Variants in GEMIN8 observed in about 807,000 individuals in gnomAD.
GEMIN8 encodes gem nuclear organelle associated protein 8.
For synonymous variants in GEMIN8, 80 were observed against 78.5 expected (o/e 1.02, Z -0.10); for missense variants, 185 against 205.9 (o/e 0.90, Z 0.62).
At chrX:13,990,731 C>T in the GEMIN8 span, among the ~76,000 whole-genome samples, 1 of 112,437 alleles carries the variant, frequency 8.9e-6, no homozygotes, top group African/African-American at 3.2e-5. Flanking sequence ...TACTCTTCTG[C>T]ACTTTGCTTT....
chrX:14,002,097 C>CAAAAAAAA (rs59550732), downstream of GEMIN8, among the ~76,000 whole-genome samples: 2 of 23,628 alleles, frequency 8.5e-5, no homozygotes, highest in Non-Finnish European at 7.3e-5. Context: ...TGCACTCCAG[C>CAAAAAAAA]AAAAAAAAAA....
In GEMIN8 at chrX:14,007,620, T is replaced by C. The variant is rs954138284; in HGVS notation, c.*1293A>G. Among the ~76,000 whole-genome samples the C allele has an allele frequency of 1.8e-5, 2 of 109,891 alleles. No homozygotes were observed. Among genetic ancestry groups the C allele is most frequent in the Non-Finnish European group, 3.8e-5 (2 of 52,670 alleles). ...TCGGCTCACTGCAAGCTCCGCCTCC[T>C]GGGTTCACGCCATTCTCCTGCCTCA... is the stretch of plus-strand genomic sequence containing the variant. On this transcript the variant is annotated 3_prime_UTR_variant, in exon 5 of 5. Transcript: ENST00000680255.
chrX:14,006,267 G>A (rs1332640259), downstream of GEMIN8, among the ~76,000 whole-genome samples: 2 of 110,529 alleles, frequency 1.8e-5, no homozygotes, highest in African/African-American at 6.6e-5. Context: ...GACTTCAGGC[G>A]ATCCGCCCAC....
intron 4 of GEMIN8, among the ~76,000 whole-genome samples, chrX:14,018,743 TTTTCTTTTC>T (rs1430742482): frequency 1.4e-4 from 15 of 110,379 alleles, no homozygotes; most frequent in East Asian, 8.4e-4. Flanking sequence ...TTTCTTTTCT[TTTTCTTTTC>T]TTTCTTTTCT....
chrX:14,026,260 G>T (rs1420296046), intron 1 of GEMIN8, 39 bp from the exon 2 acceptor site: 7 of 751,574 alleles, frequency 9.3e-6, no homozygotes, highest in Non-Finnish European at 9.4e-6. Flanking sequence ...GGAAGGCCGG[G>T]ATCCGCAGCT....
At chrX:14,005,057 C>A (rs902917118), downstream of GEMIN8, among the ~76,000 whole-genome samples, 1 of 111,405 alleles carries the variant, frequency 9.0e-6, no homozygotes, top group Non-Finnish European at 1.9e-5. Flanking sequence ...CTGACATAGA[C>A]CCCCTGAAAC....
chrX:14,022,948 G>A (rs1756429930), intron 2 of GEMIN8, among the ~76,000 whole-genome samples: 1 of 112,381 alleles, frequency 8.9e-6, no homozygotes, highest in South Asian at 3.6e-4. Context: ...TTAGCTGAAA[G>A]AGAATCATTC....
chrX:14,015,872 T>G (rs1212917313), intron 4 of GEMIN8, among the ~76,000 whole-genome samples: 1 of 111,937 alleles, frequency 8.9e-6, no homozygotes, highest in Non-Finnish European at 1.9e-5. Flanking sequence ...TATTAAAGCT[T>G]TTTCCAACAG....
chrX:14,026,145 T>G lies in GEMIN8; in HGVS notation c.-39A>C. ...TTCGATCTTTCATTCCTCACCTCCC[T>G]GGGAATGTCTCCCACTCTTTTATGG... is the stretch of plus-strand genomic sequence containing the variant. On this transcript the variant is annotated 5_prime_UTR_variant, in exon 2 of 5. Transcript: ENST00000680255. 1.3e-6 allele frequency: 1 copy of G among 748,907 alleles called. No individual in the cohort carries two copies. The highest frequency in any genetic ancestry group is 1.6e-6 in the Non-Finnish European group (1 of 633,855). 61.7% of individuals were successfully genotyped at this position (748,907 alleles called of 1,213,427 possible).
At position 14,007,087 on chromosome X, in the gene GEMIN8, G is replaced by A. The variant is rs1335618261; in HGVS notation, c.*1826C>T. Among the ~76,000 whole-genome samples, 1 of 112,351 alleles carries A rather than the reference G, an allele frequency of 8.9e-6. No individual in the cohort carries two copies. Among genetic ancestry groups the A allele is most frequent in the African/African-American group, 3.2e-5 (1 of 30,919 alleles). The stretch of plus-strand genomic sequence containing the variant: ...TGAAAGGGAGAAATACTAAAGATTT[G>A]AAATTTTAGTTATGTGTCACCTCAA... On this transcript the variant is annotated 3_prime_UTR_variant, in exon 5 of 5. Coordinates refer to ENST00000680255, the MANE Select transcript of GEMIN8 (RefSeq NM_001042479.2).
chrX:13,990,132 G>A, the GEMIN8 span, among the ~76,000 whole-genome samples: 2 of 112,905 alleles, frequency 1.8e-5, no homozygotes, highest in East Asian at 5.5e-4. Context: ...CATGTGGCTA[G>A]TTGTTACTGT....
chrX:13,997,085 G>A, the GEMIN8 span, among the ~76,000 whole-genome samples: 1 of 109,714 alleles, frequency 9.1e-6, no homozygotes, highest in African/African-American at 3.3e-5. Context: ...AGGACTACAG[G>A]TGTGCGTCAC....
chrX:14,001,044 T>A, the GEMIN8 span, among the ~76,000 whole-genome samples: 1 of 112,381 alleles, frequency 8.9e-6, no homozygotes, highest in African/African-American at 3.2e-5. Flanking sequence ...TAACATTTAG[T>A]ACTGTAAAGC....
At chrX:14,014,505 C>A in intron 4 of GEMIN8, 4 of 752,070 alleles carry the variant, frequency 5.3e-6, no homozygotes, top group Non-Finnish European at 6.3e-6. Flanking sequence ...CACGTATCAT[C>A]TCACTGATCG....
rs1202013379 is a variant in GEMIN8, at chrX:14,006,805, T to C, written c.*2108A>G. On this transcript the variant is annotated 3_prime_UTR_variant, in exon 5 of 5. Transcript: ENST00000680255. ...GCACTACTCAATGTGGTCCGCACAA[T>C]GACCCCACGAGAGAATTATTAACAC... 8.9e-6 allele frequency among the ~76,000 whole-genome samples: 1 copy of C among 111,821 alleles called. No homozygotes were observed. Among genetic ancestry groups the C allele is most frequent in the Non-Finnish European group, 1.9e-5 (1 of 53,180 alleles).
At chrX:14,013,258 G>A (rs1270994354) in intron 4 of GEMIN8, among the ~76,000 whole-genome samples, 1 of 112,262 alleles carries the variant, frequency 8.9e-6, no homozygotes, top group Non-Finnish European at 1.9e-5. Context: ...AGACCAGTAC[G>A]GACATCACAC....
chrX:14,009,277 AG>A, intron 4 of GEMIN8, 108 bp from the exon 5 acceptor site: 1 of 777,225 alleles, frequency 1.3e-6, no homozygotes, highest in South Asian at 2.6e-5. Flanking sequence ...CAGCCCCCTA[AG>A]GTCCCTCATC....
intron 4 of GEMIN8, among the ~76,000 whole-genome samples, chrX:14,018,270 C>T (rs1398185048): frequency 8.9e-6 from 1 of 112,172 alleles, no homozygotes; most frequent in African/African-American, 3.2e-5. Context: ...GTAACTGAAC[C>T]GTTCACATTT....
the GEMIN8 span, among the ~76,000 whole-genome samples, chrX:13,997,318 A>C: frequency 5.9e-3 from 655 of 111,101 alleles, 10 homozygotes; most frequent in East Asian, 0.099. Flanking sequence ...TGCTGGAGAC[A>C]TGTGGCCCAG....
Sources: allele counts gnomAD v4.1 joint callset (sites outside exome capture counted in the v4.1 genomes callset), GRCh38; gene constraint gnomAD v4.1.1; transcripts MANE v1.5; gene names NCBI Gene and HGNC (gene_info 2026-07-23, HGNC 2026-07-21).